The following ARMC5 variants were observed in gnomAD, a reference collection of about 807,000 sequenced individuals.
ARMC5 encodes the protein armadillo repeat containing 5.
A neutral mutation model predicts 60.5 loss-of-function variants in ARMC5; 28 were observed. The ratio of observed to expected loss-of-function variants is 0.46; its 90% CI spans 0.34 to 0.63. The LOEUF is 0.63. Ranked by LOEUF, ARMC5 falls within the 30% of genes least tolerant of loss-of-function variation. The pLI is 0.01. For synonymous variants in ARMC5, 680 were observed against 607.3 expected, an observed-to-expected ratio of 1.12 and a Z score of -1.76; for missense variants, 1,189 against 1,304.9, an observed-to-expected ratio of 0.91 and a Z score of 1.37.
chr16:31,463,593 G>C (rs1417699211), intron 3 of ARMC5, among the ~76,000 whole-genome samples: 2 of 151,990 alleles, frequency 1.3e-5, no homozygotes. Flanking sequence ...AAACATTAGC[G>C]TTGGGGATCT....
At position 31,464,369 on chromosome 16, in the gene ARMC5, C is replaced by T; in HGVS notation, c.1371-25C>T. On this transcript the variant is annotated intron_variant, in intron 3 of 5. Coordinates refer to ENST00000268314, the MANE Select transcript of ARMC5 (RefSeq NM_001105247.2). The surrounding 1 kb of genome is among the most constrained non-coding windows in gnomAD (Gnocchi z 7.6). ...CCTTAACCTTGGCTCTGGGTTCAGT[C>T]TCCTTCCCTTTCTGCCCTCCGCAGG... The T allele has an allele frequency of 1.3e-6, 2 of 1,492,638 alleles. No homozygotes were observed. Among genetic ancestry groups the T allele is most frequent in the Non-Finnish European group, 1.8e-6 (2 of 1,121,132 alleles). The allele number at this position is 1,492,638 out of a possible 1,614,324, so 92.5% of individuals were successfully genotyped here. A position where few individuals can be genotyped will look rare whatever the true frequency, so the allele number is the denominator to read the frequency against.
chr16:31,459,366 A>G (rs925756742), upstream of ARMC5: 3 of 1,536,112 alleles, frequency 2.0e-6, no homozygotes, highest in Admixed American at 2.0e-5. Flanking sequence ...GTGTGCAAGG[A>G]CAGACTTCCG....
At chr16:31,459,326 T>C (rs1248475626), upstream of ARMC5, 4 of 1,535,150 alleles carry the variant, frequency 2.6e-6, 1 homozygote, top group Non-Finnish European at 8.7e-7. Flanking sequence ...CGTCCCAGGA[T>C]GCGCTGCGAT....
At chr16:31,458,424 C>T (rs1039789316), upstream of ARMC5, 7 of 1,535,630 alleles carry the variant, frequency 4.6e-6, no homozygotes, top group African/African-American at 1.4e-5. Flanking sequence ...AGGAGTACGG[C>T]TTTTCACCGG....
Position 31,466,370 on chromosome 16 carries a change from G to T in ARMC5, c.2289G>T (p.Gln763His). Residue 763 changes from glutamine (Q) to histidine (H), a missense_variant, in exon 6 of 6, where the codon CAG becomes CAT. This residue lies in a region of ARMC5 where 862 missense variants were observed against 1,071.2 expected (regional missense o/e 0.80). Coordinates refer to ENST00000268314, the MANE Select transcript of ARMC5 (RefSeq NM_001105247.2). The surrounding 1 kb of genome is among the most constrained non-coding windows in gnomAD (Gnocchi z 8.0). ...ACTCAGGCCTCCAGCTCCCTGCCCA[G>T]CGAGCGGCCTCAGCCACCGCCTCCC... ...LLDSGLQLPA[Q>H]RAASATASPF... The T allele has an allele frequency of 6.2e-7, 1 of 1,613,062 alleles. No individual in the cohort carries two copies.
upstream of ARMC5, chr16:31,459,089 G>T: frequency 6.7e-7 from 1 of 1,485,450 alleles, no homozygotes; most frequent in African/African-American, 1.4e-5. Context: ...TCCCAAGGCC[G>T]GGCCGCACCA....
rs766884244 is a variant in ARMC5 at position 31,459,876 on chromosome 16, A to T, written c.352A>T (p.Ser118Cys). 2 of 1,604,664 alleles carry T rather than the reference A, an allele frequency of 1.2e-6. No individual in the cohort carries two copies. The highest frequency in any genetic ancestry group is 1.7e-6 in the Non-Finnish European group (2 of 1,179,668). Reference protein sequence around the residue: ...GPAPSAVSSSSPTPPVRLRKT... With the variant: ...GPAPSAVSSSCPTPPVRLRKT... ...CGCCCCCTCCGCTGTGTCGTCGTCTAGTCCTACGCCGCCAGTGCGCCTGCG... is the reference window on the plus strand; with the variant it reads ...CGCCCCCTCCGCTGTGTCGTCGTCTTGTCCTACGCCGCCAGTGCGCCTGCG... Residue 118 changes from serine to cysteine, a missense_variant, in exon 1 of 6, where the codon AGT becomes TGT. By Grantham distance (112) the Ser-to-Cys change is moderately radical. Around this residue, in one of 2 missense-constraint regions of ARMC5, gnomAD observed 327 missense variants for 233.7 expected, o/e 1.40. Transcript: ENST00000268314.
Position 31,459,924 on chromosome 16 carries a change from A to C in ARMC5, c.400A>C (p.Ser134Arg). The change falls in exon 1 of 6, where the codon AGC becomes CGC. Residue 134 changes from serine (S) to arginine (R), a missense_variant. Ser to Arg is a moderately radical substitution (Grantham distance 110, BLOSUM62 -1). This residue lies in a region of ARMC5 where 327 missense variants were observed against 233.7 expected (regional missense o/e 1.40). Coordinates refer to ENST00000268314, the MANE Select transcript of ARMC5 (RefSeq NM_001105247.2). ...GCGCAAGACGCTGGACTTGGCGCTCAGCATCCTAGCCGATTGCTGTACGGA... is the reference window on the plus strand; with the variant it reads ...GCGCAAGACGCTGGACTTGGCGCTCCGCATCCTAGCCGATTGCTGTACGGA... ...RLRKTLDLAL[S>R]ILADCCTEGA... The C allele has an allele frequency of 1.9e-6, 3 of 1,605,772 alleles. No homozygotes were observed. Among genetic ancestry groups the C allele is most frequent in the Non-Finnish European group, 2.5e-6 (3 of 1,179,728 alleles).
chr16:31,466,255 C>G lies in ARMC5; in HGVS notation c.2174C>G (p.Pro725Arg), dbSNP rs752496774. The G allele has an allele frequency of 7.4e-6, 12 of 1,613,786 alleles. No individual in the cohort carries two copies. Among genetic ancestry groups the G allele is most frequent in the African/African-American group, 1.3e-5 (1 of 74,930 alleles). ...AGCCCAGCTGTCCCACAGGCAGTCCCCATGGACCTAGACTCACCTTCCCCT... is the reference window on the plus strand; with the variant it reads ...AGCCCAGCTGTCCCACAGGCAGTCCGCATGGACCTAGACTCACCTTCCCCT... ...TVSPAVPQAV[P>R]MDLDSPSPCL... Residue 725 changes from proline to arginine, a missense_variant, in exon 6 of 6, where the codon CCC (proline) becomes CGC (arginine). Transcript: ENST00000268314. This position sits in a 1 kb window ranked among gnomAD's most constrained non-coding sequence, Gnocchi z 8.0.
upstream of ARMC5, chr16:31,458,769 C>T (rs1299389746): frequency 1.3e-6 from 2 of 1,497,012 alleles, no homozygotes; most frequent in East Asian, 2.5e-5. Context: ...TCCCGCTCCC[C>T]CGCCGCCCCG....
upstream of ARMC5, chr16:31,459,106 G>A: frequency 6.8e-7 from 1 of 1,480,886 alleles, no homozygotes; most frequent in African/African-American, 1.4e-5. Context: ...ACCACCGCTG[G>A]GGGGCAGCGA....
In ARMC5 at chr16:31,464,918, C is replaced by T; in HGVS notation, c.1864+31C>T. 8 of 1,611,030 alleles carry T rather than the reference C, an allele frequency of 5.0e-6. No homozygotes were observed. In the Admixed American group the frequency reaches 5.0e-5, roughly 10 times the overall value. The stretch of plus-strand genomic sequence containing the variant: ...TTCCCATACCCACCCGTCTCCTTGC[C>T]CCCATGTGAGTCCCCATCCTCCCCC... On this transcript the variant is annotated intron_variant, in intron 4 of 5. Transcript: ENST00000268314. This position sits in a 1 kb window ranked among gnomAD's most constrained non-coding sequence, Gnocchi z 7.6.
chr16:31,461,879 C>G, intron 1 of ARMC5, 43 bp from the exon 2 acceptor site: 1 of 1,548,570 alleles, frequency 6.5e-7, no homozygotes, highest in Non-Finnish European at 8.9e-7. Flanking sequence ...ATGTGAGAGA[C>G]AGTAAGGGGT....
upstream of ARMC5, chr16:31,458,616 T>C (rs1283360051): frequency 6.9e-7 from 1 of 1,446,698 alleles, no homozygotes; most frequent in Non-Finnish European, 9.2e-7. Flanking sequence ...ACGGTTGCTC[T>C]TGGCAAAGGC....
chr16:31,459,310 C>A, upstream of ARMC5: 1 of 1,534,924 alleles, frequency 6.5e-7, no homozygotes, highest in South Asian at 1.2e-5. Context: ...TCATGCACCG[C>A]CCGCACGTCC....
rs1227067247 is a variant in ARMC5, at chr16:31,464,446, G to A, written c.1423G>A (p.Asp475Asn). 4 of 1,581,342 alleles carry A rather than the reference G, an allele frequency of 2.5e-6. No homozygotes were observed. Among genetic ancestry groups the A allele is most frequent in the Admixed American group, 1.9e-5 (1 of 53,114 alleles). The change falls in exon 4 of 6, where the codon GAC becomes AAC. Residue 475 changes from aspartate (D) to asparagine (N), a missense_variant. By Grantham distance (23) the Asp-to-Asn change is conservative (BLOSUM62 1). Transcript: ENST00000268314. The surrounding 1 kb of genome is among the most constrained non-coding windows in gnomAD (Gnocchi z 7.6). ...YATGPDDISP[D>N]WSPEQCPPEP... ...CACAGGCCCTGATGACATCTCCCCC[G>A]ACTGGTCTCCTGAGCAGTGTCCGCC...
chr16:31,459,102 G>A, upstream of ARMC5: 2 of 1,480,694 alleles, frequency 1.4e-6, no homozygotes, highest in Admixed American at 2.3e-5. Context: ...CCGCACCACC[G>A]CTGGGGGGCA....
chr16:31,461,555 T>C (rs1325811770), intron 1 of ARMC5, among the ~76,000 whole-genome samples: 1 of 152,234 alleles, frequency 6.6e-6, no homozygotes, highest in Non-Finnish European at 1.5e-5. Flanking sequence ...TCATCCAGGC[T>C]GGAGTGCAGT....
chr16:31,459,196 A>C, upstream of ARMC5: 2 of 1,522,350 alleles, frequency 1.3e-6, no homozygotes, highest in Non-Finnish European at 1.8e-6. Flanking sequence ...CCGTGGTCGG[A>C]CTTCTGGGCT....
Sources: gnomAD v4.1 joint callset for allele counts (sites outside exome capture counted in the v4.1 genomes callset) on GRCh38, gnomAD v4.1.1 for gene constraint, gnomAD v4.1.1 regional missense constraint, Gnocchi (gnomAD v3.1) non-coding constraint, MANE v1.5 for transcripts, NCBI Gene and HGNC (gene_info 2026-07-23, HGNC 2026-07-21) for gene names.